ADCY2: variants seen among roughly 807,000 people sequenced by gnomAD.
The protein encoded by ADCY2 is adenylate cyclase type 2.
ADCY2 carries 31 observed loss-of-function variants against 125.2 expected under a neutral mutation model. The ratio of observed to expected loss-of-function variants is 0.25; its 90% CI spans 0.19 to 0.33. The LOEUF is 0.33. ADCY2 is among the 10% of genes least tolerant of loss of function. The pLI, the probability that ADCY2 is intolerant of heterozygous loss-of-function variation, is 1.00. For missense variants in ADCY2, 904 were observed against 1,418.2 expected (o/e 0.64, Z 5.82); for synonymous variants, 512 against 548.4 (o/e 0.93, Z 0.93).
intron 4 of ADCY2, among the ~76,000 whole-genome samples, chr5:7,677,402 C>T (rs991465940): frequency 6.6e-6 from 1 of 152,186 alleles, no homozygotes; most frequent in African/African-American, 2.4e-5. Flanking sequence ...AAAACATGAA[C>T]GGTTCCTCTC....
chr5:7,664,256 AC>A (rs1425137333), intron 4 of ADCY2, among the ~76,000 whole-genome samples: 5 of 152,346 alleles, frequency 3.3e-5, no homozygotes, highest in African/African-American at 9.6e-5. Context: ...AATGTGAAAA[AC>A]ATGTGATTTT....
intron 10 of ADCY2, among the ~76,000 whole-genome samples, chr5:7,710,443 T>G (rs1253003919): frequency 2.0e-5 from 3 of 152,098 alleles, no homozygotes; most frequent in Non-Finnish European, 4.4e-5. Flanking sequence ...ATGAGGGCCA[T>G]GAGGAAGATA....
At chr5:7,621,012 C>A (rs1737937098) in intron 3 of ADCY2, among the ~76,000 whole-genome samples, 1 of 152,106 alleles carries the variant, frequency 6.6e-6, no homozygotes, top group Non-Finnish European at 1.5e-5. Context: ...TAGTTTGCCA[C>A]CCCAACATGA....
At chr5:7,475,587 G>A (rs1742494382) in intron 2 of ADCY2, among the ~76,000 whole-genome samples, 1 of 152,142 alleles carries the variant, frequency 6.6e-6, no homozygotes, top group South Asian at 2.1e-4. Flanking sequence ...TCGCCACGTT[G>A]GCCAGGCTGT....
rs555003160 is a variant in ADCY2, at chr5:7,827,642, A to G, written c.*771A>G. Reference sequence around the variant, plus strand: ...CCCTTTTGACACAGTTGTTTCAGAAAGAGCTCTCCAGAAGCCAATATTGAG... The same window carrying G: ...CCCTTTTGACACAGTTGTTTCAGAAGGAGCTCTCCAGAAGCCAATATTGAG... On this transcript the variant is annotated 3_prime_UTR_variant, in exon 25 of 25. Coordinates refer to ENST00000338316, the MANE Select transcript of ADCY2 (RefSeq NM_020546.3). The G allele has an allele frequency of 6.6e-6, 1 of 152,452 alleles. No homozygotes were observed. Among genetic ancestry groups the G allele is most frequent in the East Asian group, 1.9e-4 (1 of 5,328 alleles). The allele number at this position is 152,452 out of a possible 1,614,324, so 9.4% of individuals were successfully genotyped here. A position where few individuals can be genotyped will look rare whatever the true frequency, so the allele number is the denominator to read the frequency against.
intron 2 of ADCY2, among the ~76,000 whole-genome samples, chr5:7,518,026 T>C (rs1324814446): frequency 6.6e-6 from 1 of 152,224 alleles, no homozygotes; most frequent in African/African-American, 2.4e-5. Context: ...AGTATCTTAA[T>C]CGAACATACT....
chr5:7,457,765 C>G (rs552303634), intron 2 of ADCY2, among the ~76,000 whole-genome samples: 2 of 152,172 alleles, frequency 1.3e-5, no homozygotes, highest in Admixed American at 1.3e-4. Flanking sequence ...GGGACCAAAA[C>G]GCTTCCTCAT....
At chr5:7,487,629 AT>A (rs938479674) in intron 2 of ADCY2, among the ~76,000 whole-genome samples, 2 of 152,082 alleles carry the variant, frequency 1.3e-5, no homozygotes, top group African/African-American at 4.8e-5. Context: ...TAGATAACAC[AT>A]TTGGTTTGTT....
intron 20 of ADCY2, among the ~76,000 whole-genome samples, chr5:7,793,305 GC>G (rs1177736798): frequency 6.6e-6 from 1 of 152,182 alleles, no homozygotes; most frequent in Non-Finnish European, 1.5e-5. Context: ...AAACAAGTTA[GC>G]CGGGCATGGT....
At chr5:7,508,840 A>G (rs1017613775) in intron 2 of ADCY2, among the ~76,000 whole-genome samples, 1 of 152,224 alleles carries the variant, frequency 6.6e-6, no homozygotes, top group Non-Finnish European at 1.5e-5. Context: ...AACCCCCTCC[A>G]AAAGAAGTCT....
intron 3 of ADCY2, among the ~76,000 whole-genome samples, chr5:7,621,574 T>C (rs1398232337): frequency 2.0e-5 from 3 of 152,178 alleles, no homozygotes; most frequent in Non-Finnish European, 4.4e-5. Flanking sequence ...TGTTTGTACC[T>C]TTTGTTGCCT....
intron 4 of ADCY2, among the ~76,000 whole-genome samples, chr5:7,646,579 T>A: frequency 6.6e-6 from 1 of 152,138 alleles, no homozygotes; most frequent in East Asian, 1.9e-4. Context: ...AATTATGCAG[T>A]TTAGTACTCT....
chr5:7,550,106 C>G (rs1735279037), intron 3 of ADCY2, among the ~76,000 whole-genome samples: 1 of 152,082 alleles, frequency 6.6e-6, no homozygotes, highest in Non-Finnish European at 1.5e-5. Context: ...CAGATTAATC[C>G]TCACCCACTA....
intron 2 of ADCY2, among the ~76,000 whole-genome samples, chr5:7,506,211 A>G (rs527380915): frequency 2.0e-5 from 3 of 152,216 alleles, no homozygotes; most frequent in South Asian, 2.1e-4. Context: ...AACACTCAAC[A>G]AAGTGTGTAA....
chr5:7,507,440 CAAA>C (rs766601693), intron 2 of ADCY2, among the ~76,000 whole-genome samples: 4 of 46,958 alleles, frequency 8.5e-5, no homozygotes, highest in South Asian at 7.2e-4. Flanking sequence ...GACTCCGTCT[CAAA>C]AAAAAAAAAA....
At chr5:7,714,051 T>C (rs1425432577) in intron 11 of ADCY2, among the ~76,000 whole-genome samples, 1 of 152,164 alleles carries the variant, frequency 6.6e-6, no homozygotes, top group African/African-American at 2.4e-5. Context: ...ATTTTAACAT[T>C]GAGATATAAC....
At chr5:7,713,495 G>GA (rs199666136) in intron 11 of ADCY2, among the ~76,000 whole-genome samples, 67,940 of 141,756 alleles carry the variant, frequency 0.48, 17,212 homozygotes, top group Non-Finnish European at 0.59. Flanking sequence ...CTGTGTCTCA[G>GA]AAAAAAAAAA....
At chr5:7,612,093 A>G (rs1283493962) in intron 3 of ADCY2, among the ~76,000 whole-genome samples, 2 of 152,160 alleles carry the variant, frequency 1.3e-5, no homozygotes, top group Non-Finnish European at 2.9e-5. Context: ...CCTAAAACAT[A>G]ATAGTTTCCA....
intron 3 of ADCY2, among the ~76,000 whole-genome samples, chr5:7,529,668 C>A (rs548726366): frequency 6.6e-6 from 1 of 152,322 alleles, no homozygotes; most frequent in South Asian, 2.1e-4. Flanking sequence ...GTCCCAGGTA[C>A]CCCTCAAGTA....
Sources: allele counts gnomAD v4.1 joint callset (sites outside exome capture counted in the v4.1 genomes callset), GRCh38; gene constraint gnomAD v4.1.1; transcripts MANE v1.5; gene names NCBI Gene and HGNC (gene_info 2026-07-23, HGNC 2026-07-21).